The following MCTP1 variants were observed in gnomAD, a reference collection of about 807,000 sequenced individuals.
The protein encoded by MCTP1 is multiple C2 and transmembrane domain-containing protein 1.
Under a neutral mutation model 120.6 loss-of-function variants are expected in MCTP1, and 69 were observed. That is an observed-to-expected ratio of 0.57 (90% CI 0.47 to 0.70). The LOEUF (loss-of-function observed/expected upper bound fraction) is 0.70, where lower values mean the gene tolerates loss of function less well. Among genes scored for constraint, MCTP1 ranks in the 30% least tolerant of loss-of-function variants. The probability of loss-of-function intolerance (pLI) is 0.00; values close to 1 mark genes in which losing one functional copy is unlikely to be tolerated. For missense variants in MCTP1, 1,203 were observed against 1,248.8 expected (o/e 0.96, Z 0.55); for synonymous variants, 529 against 493.1 (o/e 1.07, Z -0.96).
intron 17 of MCTP1, among the ~76,000 whole-genome samples, chr5:94,813,053 C>T (rs889117950): frequency 7.2e-5 from 11 of 152,006 alleles, no homozygotes; most frequent in African/African-American, 1.4e-4. Context: ...AGCCACACAT[C>T]GAGAGAAAAT....
chr5:94,966,233 A>G (rs1009653458), intron 2 of MCTP1, among the ~76,000 whole-genome samples: 3 of 152,284 alleles, frequency 2.0e-5, no homozygotes, highest in South Asian at 2.1e-4. Context: ...TCCAAGCCCA[A>G]TGTTTCTTCT....
At chr5:95,218,918 G>A (rs1582569191) in intron 1 of MCTP1, among the ~76,000 whole-genome samples, 1 of 152,086 alleles carries the variant, frequency 6.6e-6, no homozygotes, top group African/African-American at 2.4e-5. Flanking sequence ...GTAAAATATA[G>A]TATTATAATC....
At chr5:95,223,945 C>T (rs1010798505) in intron 1 of MCTP1, among the ~76,000 whole-genome samples, 1 of 152,170 alleles carries the variant, frequency 6.6e-6, no homozygotes, top group Admixed American at 6.5e-5. Context: ...GAAACATTTT[C>T]TGTTTTTCTA....
At chr5:95,051,602 T>C (rs1041180999) in intron 1 of MCTP1, among the ~76,000 whole-genome samples, 4 of 152,228 alleles carry the variant, frequency 2.6e-5, no homozygotes, top group African/African-American at 9.6e-5. Flanking sequence ...CCATCTCTTA[T>C]ACTTGACCAA....
At chr5:95,257,671 C>T (rs944361847) in intron 1 of MCTP1, among the ~76,000 whole-genome samples, 4 of 152,012 alleles carry the variant, frequency 2.6e-5, no homozygotes, top group Admixed American at 6.6e-5. Flanking sequence ...ATACTATTCT[C>T]AAGTAAAAGA....
intron 7 of MCTP1, among the ~76,000 whole-genome samples, chr5:94,922,006 C>T (rs1363065979): frequency 1.3e-5 from 2 of 152,130 alleles, no homozygotes; most frequent in African/African-American, 4.8e-5. Flanking sequence ...ATCATGCCAT[C>T]TGGGTACCTC....
chr5:94,891,747 AAAAT>A (rs66803101), intron 11 of MCTP1, among the ~76,000 whole-genome samples: 25,198 of 148,288 alleles, frequency 0.17, 2,597 homozygotes, highest in African/African-American at 0.28. Flanking sequence ...ATAAGAAGTA[AAAAT>A]AAATAAATAA....
intron 19 of MCTP1, among the ~76,000 whole-genome samples, chr5:94,756,314 A>T (rs935377958): frequency 1.3e-5 from 2 of 152,200 alleles, no homozygotes; most frequent in Non-Finnish European, 2.9e-5. Flanking sequence ...AGAAGTCTTC[A>T]GTGATTGTTG....
In MCTP1 at chr5:94,826,772, C is replaced by CTTTTTTTTTTTTTTTTTT. The variant is rs61324420; in HGVS notation, c.2437-27658_2437-27641dup. 28 of 42,882 alleles carry CTTTTTTTTTTTTTTTTTT rather than the reference C, an allele frequency of 6.5e-4. 3 individuals are homozygous for CTTTTTTTTTTTTTTTTTT. The highest frequency in any genetic ancestry group is 2.1e-3 in the African/African-American group (13 of 6,120). The allele number at this position is 42,882 out of a possible 1,614,324, so 2.7% of individuals were successfully genotyped here. ...TCAGAGAGTAGGGTTGTGACCCCTG[C>CTTTTTTTTTTTTTTTTTT]TTTTTTTTTTTTTTTTTTTTTTTTT... On this transcript the variant is annotated intron_variant, in intron 17 of 22. Transcript: ENST00000515393.
At chr5:94,913,233 CA>C (rs1332657438) in intron 8 of MCTP1, among the ~76,000 whole-genome samples, 3 of 151,928 alleles carry the variant, frequency 2.0e-5, no homozygotes, top group Admixed American at 6.6e-5. Flanking sequence ...CTTAAGATTA[CA>C]AGATGTAGAT....
intron 1 of MCTP1, among the ~76,000 whole-genome samples, chr5:95,033,336 C>T (rs1251190352): frequency 3.3e-5 from 5 of 152,034 alleles, no homozygotes; most frequent in Non-Finnish European, 5.9e-5. Context: ...CAACAAAATA[C>T]TAGCAAGCCA....
intron 17 of MCTP1, chr5:94,867,284 G>C: frequency 6.5e-7 from 1 of 1,530,538 alleles, no homozygotes. Context: ...ACGTCTATGG[G>C]AAGCAGGCTG....
intron 1 of MCTP1, among the ~76,000 whole-genome samples, chr5:95,113,858 G>A (rs1757628331): frequency 6.6e-6 from 1 of 152,170 alleles, no homozygotes; most frequent in African/African-American, 2.4e-5. Context: ...GGCTGCACAG[G>A]TCATGACTCC....
At chr5:95,146,809 C>T (rs1562181382) in intron 1 of MCTP1, among the ~76,000 whole-genome samples, 1 of 152,022 alleles carries the variant, frequency 6.6e-6, no homozygotes, top group Non-Finnish European at 1.5e-5. Flanking sequence ...TGTGGACTAT[C>T]TTAGAATATG....
chr5:94,949,640 T>A (rs1276873336), intron 3 of MCTP1, among the ~76,000 whole-genome samples: 1 of 152,034 alleles, frequency 6.6e-6, no homozygotes, highest in South Asian at 2.1e-4. Flanking sequence ...CAGAACTGAA[T>A]TTTTTTTCCT....
At chr5:94,903,944 T>A (rs1806159159) in intron 10 of MCTP1, among the ~76,000 whole-genome samples, 1 of 152,206 alleles carries the variant, frequency 6.6e-6, no homozygotes, top group African/African-American at 2.4e-5. Flanking sequence ...CAGCAGCCAA[T>A]TTGTTCAGAT....
intron 1 of MCTP1, among the ~76,000 whole-genome samples, chr5:95,100,543 T>A (rs1410292100): frequency 6.6e-6 from 1 of 152,184 alleles, no homozygotes; most frequent in Non-Finnish European, 1.5e-5. Flanking sequence ...CAAGAAAATA[T>A]TTGTAAGTCA....
rs1484295620 is a variant in MCTP1, at chr5:95,085,800, TTTTTTG to T, written c.721-68322_721-68317del. Among the ~76,000 whole-genome samples, 6 of 151,804 alleles carry T rather than the reference TTTTTTG, an allele frequency of 4.0e-5. No homozygotes were observed. In the East Asian group the frequency reaches 1.2e-3, roughly 29 times the overall value. On this transcript the variant is annotated intron_variant, in intron 1 of 22. Coordinates refer to ENST00000515393, the MANE Select transcript of MCTP1 (RefSeq NM_024717.7). ...AATACCAAGAGTCTTGATCTTTTTG[TTTTTTG>T]TTTTTGATTGGTATGAAGTCTCAAT...
intron 1 of MCTP1, among the ~76,000 whole-genome samples, chr5:95,139,635 C>T (rs2152436188): frequency 6.6e-6 from 1 of 152,240 alleles, no homozygotes; most frequent in African/African-American, 2.4e-5. Context: ...AGGTTAATTT[C>T]TAGATCAAAG....
Sources: gnomAD v4.1 joint callset for allele counts (sites outside exome capture counted in the v4.1 genomes callset) on GRCh38, gnomAD v4.1.1 for gene constraint, MANE v1.5 for transcripts, NCBI Gene and HGNC (gene_info 2026-07-23, HGNC 2026-07-21) for gene names.